EPS15: variants seen among roughly 807,000 people sequenced by gnomAD.
EPS15 encodes epidermal growth factor receptor substrate 15.
In EPS15, 72 loss-of-function variants were observed where a neutral mutation model predicts 113.8. The ratio of observed to expected loss-of-function variants is 0.63; its 90% CI spans 0.52 to 0.77. EPS15 has a LOEUF of 0.77. Among genes scored for constraint, EPS15 ranks in the 30% least tolerant of loss-of-function variants. EPS15 has a pLI of 0.00. For synonymous variants in EPS15, 344 were observed against 363.4 expected (o/e 0.95, Z 0.61); for missense variants, 1,048 against 1,045.8 (o/e 1.00, Z -0.03).
chr1:51,387,136 C>T (rs1284777122), intron 21 of EPS15, among the ~76,000 whole-genome samples: 2 of 152,184 alleles, frequency 1.3e-5, no homozygotes, highest in Non-Finnish European at 2.9e-5. Context: ...AGAAACTCCA[C>T]AAGCCAGAAG....
intron 13 of EPS15, among the ~76,000 whole-genome samples, chr1:51,418,228 ATATGGATGACAGGGGT>A (rs1650421202): frequency 6.6e-6 from 1 of 152,124 alleles, no homozygotes; most frequent in Non-Finnish European, 1.5e-5. Flanking sequence ...TGTTATCAGC[ATATGGATGACAGGGGT>A]TATGGAGAAG....
At position 51,423,621 on chromosome 1, in the gene EPS15, TAC is replaced by T. The variant is rs1211477581; in HGVS notation, c.1041-1765_1041-1764del. 11 of 985,130 alleles carry T rather than the reference TAC, an allele frequency of 1.1e-5. No individual in the cohort carries two copies. The African/African-American group carries it at 1.9e-4, about 17-fold the overall frequency. 61.0% of individuals were successfully genotyped at this position (985,130 alleles called of 1,614,324 possible). ...AGATAATAACAAAAATAGAAAACAC[TAC>T]AGTGTCACAGATCAGCAGTGCACAC... On this transcript the variant is annotated intron_variant, in intron 12 of 24. Transcript: ENST00000371733.
At chr1:51,375,505 A>G (rs2148369852) in intron 21 of EPS15, among the ~76,000 whole-genome samples, 1 of 152,342 alleles carries the variant, frequency 6.6e-6, no homozygotes, top group South Asian at 2.1e-4. Context: ...GAAGGGTACC[A>G]GTAAGGTGGG....
intron 8 of EPS15, among the ~76,000 whole-genome samples, chr1:51,451,529 A>G (rs1429145847): frequency 1.3e-5 from 2 of 150,896 alleles, no homozygotes; most frequent in Non-Finnish European, 2.9e-5. Context: ...AAGAAAAGAA[A>G]AAAAAAGAAA....
At chr1:51,400,974 A>G in intron 18 of EPS15, 21 bp from the exon 19 acceptor site, 3 of 1,545,214 alleles carry the variant, frequency 1.9e-6, no homozygotes, top group Non-Finnish European at 2.6e-6. Flanking sequence ...ATAAACACAA[A>G]GAAATCCAAA....
intron 9 of EPS15, 60 bp downstream of exon 9, chr1:51,447,986 G>A: frequency 1.3e-6 from 2 of 1,593,934 alleles, no homozygotes; most frequent in South Asian, 2.3e-5. Context: ...GTAAGGAGTG[G>A]TAAGATTCCT....
At chr1:51,373,065 C>A in intron 21 of EPS15, 1 of 196,184 alleles carries the variant, frequency 5.1e-6, no homozygotes, top group Non-Finnish European at 1.1e-5. Flanking sequence ...CCATAGTTGC[C>A]CTACACAACT....
At chr1:51,465,105 C>A (rs3790519) in intron 6 of EPS15, among the ~76,000 whole-genome samples, 156 bp downstream of exon 6, 1 of 152,072 alleles carries the variant, frequency 6.6e-6, no homozygotes, top group African/African-American at 2.4e-5. Context: ...CTGACAGAGC[C>A]GAAAGATCCC....
Position 51,493,218 on chromosome 1 carries a change from A to G in EPS15, c.34-11904T>C, listed in dbSNP as rs1644267770. On this transcript the variant is annotated intron_variant, in intron 1 of 24. Transcript: ENST00000371733. ...CTACTAAAAATACAAAAAATTAGCC[A>G]GACGTGGTGGTGGGCGCCTGTAGTC... is the stretch of plus-strand genomic sequence containing the variant. Among the ~76,000 whole-genome samples the G allele has an allele frequency of 2.6e-5, 4 of 152,268 alleles. No individual in the cohort carries two copies. In the South Asian group the frequency reaches 8.3e-4, roughly 32 times the overall value.
chr1:51,457,919 G>C (rs1031051428), intron 8 of EPS15: 7 of 151,998 alleles, frequency 4.6e-5, no homozygotes, highest in Middle Eastern at 3.4e-3. Flanking sequence ...AAGAAACAGA[G>C]AAAATAAAAA....
intron 12 of EPS15, among the ~76,000 whole-genome samples, chr1:51,427,203 G>A (rs1156593785): frequency 6.6e-6 from 1 of 152,166 alleles, no homozygotes; most frequent in Non-Finnish European, 1.5e-5. Context: ...ATAAGCTCTA[G>A]TTTCTGCAGC....
At chr1:51,424,151 C>G (rs764654813) in intron 12 of EPS15, among the ~76,000 whole-genome samples, 6 of 152,042 alleles carry the variant, frequency 3.9e-5, no homozygotes, top group Admixed American at 1.3e-4. Context: ...TATTGCTAAA[C>G]AGAAAACTTA....
intron 24 of EPS15, among the ~76,000 whole-genome samples, chr1:51,358,335 G>A (rs1381625932): frequency 6.6e-6 from 1 of 152,072 alleles, no homozygotes; most frequent in African/African-American, 2.4e-5. Context: ...CCAGGCTTTG[G>A]GAACTTTTAG....
chr1:51,449,866 G>A (rs541770389), intron 8 of EPS15, among the ~76,000 whole-genome samples: 1 of 151,828 alleles, frequency 6.6e-6, no homozygotes, highest in African/African-American at 2.4e-5. Flanking sequence ...TGGGACCACA[G>A]GAACAAGTCC....
chr1:51,466,866 C>CA (rs1272501785), intron 5 of EPS15, among the ~76,000 whole-genome samples: 7 of 150,718 alleles, frequency 4.6e-5, no homozygotes, highest in South Asian at 4.2e-4. Flanking sequence ...TCTGTCTCTT[C>CA]AAAAAAAATA....
intron 19 of EPS15, among the ~76,000 whole-genome samples, chr1:51,400,443 G>A (rs148895122): frequency 1.3e-5 from 2 of 151,956 alleles, no homozygotes; most frequent in Admixed American, 6.6e-5. Context: ...GTCTGTAATC[G>A]CAGCACTTTG....
chr1:51,516,907 T>C (rs1041396644), intron 1 of EPS15, among the ~76,000 whole-genome samples: 3 of 152,228 alleles, frequency 2.0e-5, no homozygotes, highest in African/African-American at 7.2e-5. Flanking sequence ...AAGATGTCCC[T>C]GCCCTGAATG....
At chr1:51,472,490 T>C (rs1463902643) in intron 3 of EPS15, among the ~76,000 whole-genome samples, 1 of 152,116 alleles carries the variant, frequency 6.6e-6, no homozygotes, top group Non-Finnish European at 1.5e-5. Flanking sequence ...AAGCCTCTCA[T>C]CCCCCAGTCT....
At chr1:51,485,851 G>A (rs762149955) in intron 1 of EPS15, among the ~76,000 whole-genome samples, 16 of 152,118 alleles carry the variant, frequency 1.1e-4, no homozygotes, top group Non-Finnish European at 1.6e-4. Context: ...AGGGTGGAGT[G>A]CAATGGCACT....
Sources: gnomAD v4.1 joint callset for allele counts (sites outside exome capture counted in the v4.1 genomes callset) on GRCh38, gnomAD v4.1.1 for gene constraint, MANE v1.5 for transcripts, NCBI Gene and HGNC (gene_info 2026-07-23, HGNC 2026-07-21) for gene names.